TBC1D5: variants seen among roughly 807,000 people sequenced by gnomAD.
The protein encoded by TBC1D5 is TBC1 domain family, member 5.
A neutral mutation model predicts 100.3 loss-of-function variants in TBC1D5; 75 were observed. The ratio of observed to expected loss-of-function variants is 0.75; its 90% confidence interval spans 0.62 to 0.91. The LOEUF is 0.91. Among genes scored for constraint, TBC1D5 ranks in the 40% least tolerant of loss-of-function variants. The pLI is 0.00. For synonymous variants in TBC1D5, 323 were observed against 325.6 expected (o/e 0.99, Z 0.09); for missense variants, 910 against 942.4 (o/e 0.97, Z 0.45).
intron 2 of TBC1D5, among the ~76,000 whole-genome samples, chr3:17,597,540 T>G (rs1314259144): frequency 6.6e-6 from 1 of 152,234 alleles, no homozygotes; most frequent in Non-Finnish European, 1.5e-5. Context: ...TGGTTTACAT[T>G]ATCATTACCC....
At chr3:17,283,932 C>T (rs969770183) in intron 15 of TBC1D5, among the ~76,000 whole-genome samples, 2 of 152,060 alleles carry the variant, frequency 1.3e-5, no homozygotes, top group South Asian at 4.2e-4. Flanking sequence ...ATTTGCTATT[C>T]CCCTTCCTGG....
chr3:17,222,547 C>T (rs1192177776), intron 17 of TBC1D5, among the ~76,000 whole-genome samples: 1 of 152,100 alleles, frequency 6.6e-6, no homozygotes, highest in Non-Finnish European at 1.5e-5. Flanking sequence ...AACAACTTTT[C>T]CTCAGAACTT....
At chr3:17,470,982 C>A (rs1285024770) in intron 3 of TBC1D5, among the ~76,000 whole-genome samples, 1 of 152,078 alleles carries the variant, frequency 6.6e-6, no homozygotes, top group Non-Finnish European at 1.5e-5. Context: ...GATTTTCCCT[C>A]CCCAGCACAT....
intron 1 of TBC1D5, among the ~76,000 whole-genome samples, chr3:17,668,561 T>C (rs761876947): frequency 3.3e-5 from 5 of 152,288 alleles, no homozygotes; most frequent in African/African-American, 4.8e-5. Flanking sequence ...TCTATTAATA[T>C]TGTTTCATAG....
chr3:17,643,294 G>GT (rs1262857956), intron 1 of TBC1D5, among the ~76,000 whole-genome samples: 2 of 151,984 alleles, frequency 1.3e-5, no homozygotes, highest in African/African-American at 4.8e-5. Context: ...TTGGTGTATC[G>GT]TATTATATCA....
At chr3:17,555,041 G>T (rs958399242) in intron 2 of TBC1D5, among the ~76,000 whole-genome samples, 3 of 151,858 alleles carry the variant, frequency 2.0e-5, no homozygotes, top group Non-Finnish European at 4.4e-5. Flanking sequence ...GAAGAGATGG[G>T]GGTTTCCCCA....
intron 15 of TBC1D5, among the ~76,000 whole-genome samples, chr3:17,287,482 G>C (rs537736327): frequency 6.6e-6 from 1 of 152,278 alleles, no homozygotes; most frequent in East Asian, 1.9e-4. Flanking sequence ...GGAATGAATA[G>C]ATAGAACAGT....
At chr3:17,180,927 A>G (rs1021030516) in intron 19 of TBC1D5, among the ~76,000 whole-genome samples, 2 of 151,988 alleles carry the variant, frequency 1.3e-5, no homozygotes, top group Non-Finnish European at 2.9e-5. Context: ...AAAAAAAAAA[A>G]AAAAAAAGAA....
chr3:17,691,161 T>C (rs2071093951), intron 1 of TBC1D5, among the ~76,000 whole-genome samples: 1 of 152,164 alleles, frequency 6.6e-6, no homozygotes, highest in Non-Finnish European at 1.5e-5. Flanking sequence ...AACACCTATA[T>C]AAAGTTGGTG....
intron 13 of TBC1D5, among the ~76,000 whole-genome samples, chr3:17,370,218 G>A (rs180879797): frequency 6.6e-5 from 10 of 152,180 alleles, no homozygotes; most frequent in Admixed American, 1.3e-4. Flanking sequence ...ATCAAGCACC[G>A]GTTTGGGCAA....
At chr3:17,568,190 C>T (rs1184678289) in intron 2 of TBC1D5, among the ~76,000 whole-genome samples, 1 of 151,228 alleles carries the variant, frequency 6.6e-6, no homozygotes, top group African/African-American at 2.4e-5. Context: ...AGGAAAAATT[C>T]TCTAAGAATA....
rs181996172 is a variant in TBC1D5 at position 17,618,451 on chromosome 3, G to A, written c.-36+5398C>T. ...CTCTTCAGAGCTGTTAGACAGGGAC[G>A]TTTAAGTCTACAGAAGTTTCTGCTG... On this transcript the variant is annotated intron_variant, in intron 2 of 21. Transcript: ENST00000253692. Among the ~76,000 whole-genome samples the A allele has an allele frequency of 1.2e-4, 18 of 152,336 alleles. No individual in the cohort carries two copies. The East Asian group carries it at 1.9e-3, about 16-fold the overall frequency.
At chr3:17,671,716 T>C (rs964275934) in intron 1 of TBC1D5, among the ~76,000 whole-genome samples, 5 of 152,192 alleles carry the variant, frequency 3.3e-5, no homozygotes, top group African/African-American at 1.2e-4. Context: ...TGTTAAAAGG[T>C]ATGTCTATTA....
chr3:17,284,125 T>TACACACACACACACACACACACACACAC (rs1559549230), intron 15 of TBC1D5, among the ~76,000 whole-genome samples: 1 of 53,394 alleles, frequency 1.9e-5, no homozygotes. Flanking sequence ...CACACACACG[T>TACACACACACACACACACACACACACAC]ATTTTTAATT....
chr3:17,508,497 G>A (rs2095867394), exon 3 of TBC1D5: 1 of 1,613,576 alleles, frequency 6.2e-7, no homozygotes. Context: ...AGAGTAACTG[G>A]ACAAGGGGTC....
intron 1 of TBC1D5, among the ~76,000 whole-genome samples, chr3:17,638,314 C>T (rs1322821321): frequency 1.3e-5 from 2 of 151,986 alleles, no homozygotes; most frequent in Non-Finnish European, 2.9e-5. Context: ...TAAACAGTCA[C>T]TCCTCATCTC....
At chr3:17,207,844 T>C (rs893381291) in intron 18 of TBC1D5, among the ~76,000 whole-genome samples, 29 of 152,354 alleles carry the variant, frequency 1.9e-4, no homozygotes, top group African/African-American at 6.3e-4. Flanking sequence ...TTAGGTTTTA[T>C]GTCTCTTTCT....
chr3:17,586,813 A>G (rs918288876), intron 2 of TBC1D5, among the ~76,000 whole-genome samples: 14 of 152,098 alleles, frequency 9.2e-5, no homozygotes, highest in African/African-American at 3.4e-4. Context: ...TTTTACATAT[A>G]TAATACAAAA....
At chr3:17,390,289 T>C (rs2093313695) in intron 8 of TBC1D5, among the ~76,000 whole-genome samples, 1 of 152,040 alleles carries the variant, frequency 6.6e-6, no homozygotes, top group Non-Finnish European at 1.5e-5. Context: ...AACAGGACAA[T>C]GGTCTGTCAT....
Sources: gnomAD v4.1 joint callset for allele counts (sites outside exome capture counted in the v4.1 genomes callset) on GRCh38, gnomAD v4.1.1 for gene constraint, MANE v1.5 for transcripts, NCBI Gene and HGNC (gene_info 2026-07-23, HGNC 2026-07-21) for gene names.